Variants in NDST4 observed in about 807,000 individuals in gnomAD.
The protein encoded by NDST4 is N-deacetylase and N-sulfotransferase 4.
Under a neutral mutation model 100.8 loss-of-function variants are expected in NDST4, and 63 were observed. That is an observed-to-expected ratio of 0.62 (90% CI 0.51 to 0.77). The LOEUF (loss-of-function observed/expected upper bound fraction) is 0.77, where lower values mean the gene tolerates loss of function less well. Among genes scored for constraint, NDST4 ranks in the 30% least tolerant of loss-of-function variants. The pLI, the probability that NDST4 is intolerant of heterozygous loss-of-function variation, is 0.00. For missense variants in NDST4, 943 were observed against 1,018.4 expected (o/e 0.93, Z 1.01); for synonymous variants, 377 against 361.8 (o/e 1.04, Z -0.48).
intron 4 of NDST4, among the ~76,000 whole-genome samples, chr4:114,941,200 T>C (rs1725742832): frequency 6.6e-6 from 1 of 152,182 alleles, no homozygotes; most frequent in South Asian, 2.1e-4. Context: ...CTCTAAAATG[T>C]GGAAACAGAG....
chr4:115,022,909 CACGTAGA>C (rs1458116294), intron 2 of NDST4, among the ~76,000 whole-genome samples: 3 of 152,192 alleles, frequency 2.0e-5, no homozygotes, highest in Admixed American at 6.5e-5. Flanking sequence ...CCCCCTCAGC[CACGTAGA>C]ACTGAAAGAC....
At chr4:115,105,081 C>G (rs1192516332) in intron 1 of NDST4, among the ~76,000 whole-genome samples, 2 of 152,106 alleles carry the variant, frequency 1.3e-5, no homozygotes, top group Non-Finnish European at 2.9e-5. Flanking sequence ...CAGGGCAAAG[C>G]AAGGCTTGGA....
rs1307731846 is a variant in NDST4 at position 114,937,478 on chromosome 4, C to G, written c.1247G>C (p.Gly416Ala). ...TGAGTGATGTGGGGCCACAGCATAG[C>G]CCATGTTGATTGGTATTCCATGTTC... is the stretch of plus-strand genomic sequence containing the variant. ...ALEHGIPINM[G>A]YAVAPHHSGV... Residue 416 changes from glycine (G) to alanine (A), a missense_variant, in exon 5 of 14, where the codon GGC becomes GCC. Around this residue, in one of 2 missense-constraint regions of NDST4, gnomAD observed 526 missense variants for 634.1 expected, o/e 0.83. Transcript: ENST00000264363. The G allele has an allele frequency of 6.3e-7, 1 of 1,585,322 alleles. No homozygotes were observed. Among genetic ancestry groups the G allele is most frequent in the Admixed American group, 1.8e-5 (1 of 55,950 alleles).
intron 4 of NDST4, among the ~76,000 whole-genome samples, chr4:114,955,165 AT>A (rs1726110288): frequency 6.6e-6 from 1 of 152,208 alleles, no homozygotes; most frequent in Non-Finnish European, 1.5e-5. Flanking sequence ...ACACTTCCAA[AT>A]TCAAGAACTG....
intron 2 of NDST4, among the ~76,000 whole-genome samples, chr4:115,033,551 GATTA>G (rs1728169127): frequency 6.6e-6 from 1 of 151,090 alleles, no homozygotes; most frequent in Non-Finnish European, 1.5e-5. Context: ...TAATTTATTT[GATTA>G]ATTGTGTGGA....
chr4:114,993,543 C>A (rs1279605316), intron 2 of NDST4, among the ~76,000 whole-genome samples: 2 of 151,912 alleles, frequency 1.3e-5, no homozygotes, highest in Non-Finnish European at 2.9e-5. Context: ...GCCTTTACAC[C>A]TATTTTTGTT....
At chr4:115,111,989 G>T (rs1729962501) in intron 1 of NDST4, among the ~76,000 whole-genome samples, 2 of 151,542 alleles carry the variant, frequency 1.3e-5, no homozygotes, top group African/African-American at 4.8e-5. Context: ...ATTATATTTT[G>T]CTTATTAATT....
intron 7 of NDST4, among the ~76,000 whole-genome samples, chr4:114,854,782 A>T (rs1308868086): frequency 6.6e-6 from 1 of 152,056 alleles, no homozygotes; most frequent in African/African-American, 2.4e-5. Context: ...TTTTTAGAAT[A>T]TTTTTAATAT....
chr4:115,013,034 A>T (rs1481761920), intron 2 of NDST4, among the ~76,000 whole-genome samples: 1 of 150,438 alleles, frequency 6.6e-6, no homozygotes, highest in East Asian at 2.0e-4. Context: ...CAGAGGGTAG[A>T]ATTATGGTTA....
chr4:115,071,456 CA>C (rs1462869466), intron 2 of NDST4, among the ~76,000 whole-genome samples: 2 of 152,104 alleles, frequency 1.3e-5, no homozygotes, highest in Non-Finnish European at 2.9e-5. Context: ...TTATCCCTAA[CA>C]CTCTTGCTTT....
rs571174290 is a variant in NDST4 at position 115,036,287 on chromosome 4, G to T, written c.978+39772C>A. ...GTTTAAAAGAGAATCTCATTTTTCT[G>T]TTCACCTCATTATTATTATAACTAA... is the stretch of plus-strand genomic sequence containing the variant. On this transcript the variant is annotated intron_variant, in intron 2 of 13. Coordinates refer to ENST00000264363, the MANE Select transcript of NDST4 (RefSeq NM_022569.3). Among the ~76,000 whole-genome samples the T allele has an allele frequency of 5.6e-4, 85 of 151,026 alleles. 1 individual carries two copies. In the South Asian group the frequency reaches 0.018, roughly 31 times the overall value.
chr4:114,841,575 G>A (rs1723427972), intron 10 of NDST4, among the ~76,000 whole-genome samples: 1 of 151,866 alleles, frequency 6.6e-6, no homozygotes, highest in South Asian at 2.1e-4. Context: ...TAATCTATGT[G>A]GAAAAAAAAG....
intron 2 of NDST4, among the ~76,000 whole-genome samples, chr4:114,992,654 G>A (rs1727067106): frequency 2.0e-5 from 3 of 151,762 alleles, no homozygotes; most frequent in Middle Eastern, 6.8e-3. Flanking sequence ...CAAACCTGTG[G>A]ATACTATGCA....
At chr4:114,980,018 A>G (rs2126245533) in intron 2 of NDST4, among the ~76,000 whole-genome samples, 1 of 152,262 alleles carries the variant, frequency 6.6e-6, no homozygotes, top group Non-Finnish European at 1.5e-5. Flanking sequence ...AAAAAATCAG[A>G]AATAAATTTA....
At chr4:114,828,318 T>G (rs75828458) in intron 13 of NDST4, among the ~76,000 whole-genome samples, 39 of 152,098 alleles carry the variant, frequency 2.6e-4, no homozygotes, top group African/African-American at 9.2e-4. Flanking sequence ...CATTTTTTTT[T>G]GAAAATTGGC....
At chr4:114,848,856 C>G (rs1471438134) in intron 8 of NDST4, among the ~76,000 whole-genome samples, 1 of 152,046 alleles carries the variant, frequency 6.6e-6, no homozygotes, top group Non-Finnish European at 1.5e-5. Context: ...ACTTAAAGTC[C>G]CTGTGTGGAC....
chr4:115,020,544 G>T (rs1727787388), intron 2 of NDST4, among the ~76,000 whole-genome samples: 1 of 152,008 alleles, frequency 6.6e-6, no homozygotes, highest in Non-Finnish European at 1.5e-5. Flanking sequence ...TAAAAACAAA[G>T]ATAAATAGCT....
intron 2 of NDST4, among the ~76,000 whole-genome samples, chr4:114,998,209 C>T (rs559842992): frequency 2.6e-5 from 4 of 152,062 alleles, no homozygotes; most frequent in African/African-American, 4.8e-5. Context: ...GTTTGCTTTG[C>T]TAAATGCAAA....
At chr4:114,920,357 G>A (rs2126218724) in intron 6 of NDST4, among the ~76,000 whole-genome samples, 1 of 152,152 alleles carries the variant, frequency 6.6e-6, no homozygotes, top group East Asian at 1.9e-4. Flanking sequence ...ATTGCAGAAT[G>A]GACTTCTAAA....
Sources: gnomAD v4.1 joint callset for allele counts (sites outside exome capture counted in the v4.1 genomes callset) on GRCh38, gnomAD v4.1.1 for gene constraint, gnomAD v4.1.1 regional missense constraint, MANE v1.5 for transcripts, NCBI Gene and HGNC (gene_info 2026-07-23, HGNC 2026-07-21) for gene names.